The following ZNF385B variants were observed in gnomAD, a reference collection of about 807,000 sequenced individuals.
The protein encoded by ZNF385B is zinc finger protein 385B.
In ZNF385B, 23 loss-of-function variants were observed where a neutral mutation model predicts 39.2. The observed-to-expected ratio is 0.59, with a 90% confidence interval of 0.42 to 0.83. ZNF385B has a LOEUF of 0.83. Among genes scored for constraint, ZNF385B ranks in the 40% least tolerant of loss-of-function variants. ZNF385B has a pLI of 0.00. For synonymous variants in ZNF385B, 205 were observed against 222.6 expected (o/e 0.92, Z 0.70); for missense variants, 552 against 598.9 (o/e 0.92, Z 0.82).
intron 3 of ZNF385B, among the ~76,000 whole-genome samples, chr2:179,617,054 T>G (rs1689810505): frequency 6.6e-6 from 1 of 152,184 alleles, no homozygotes; most frequent in African/African-American, 2.4e-5. Context: ...TTTGCCATTT[T>G]TATTTGATCC....
chr2:179,655,415 C>T (rs1431917667), intron 3 of ZNF385B, among the ~76,000 whole-genome samples: 1 of 151,612 alleles, frequency 6.6e-6, no homozygotes, highest in Admixed American at 6.6e-5. Context: ...ACAATGCATA[C>T]AACTGAAGCA....
intron 3 of ZNF385B, among the ~76,000 whole-genome samples, chr2:179,676,430 T>A (rs1420491759): frequency 6.6e-6 from 1 of 152,136 alleles, no homozygotes; most frequent in Non-Finnish European, 1.5e-5. Flanking sequence ...TTCACCGTGT[T>A]AGCCAGGATG....
chr2:179,528,834 T>C (rs1485567378), intron 4 of ZNF385B, among the ~76,000 whole-genome samples: 1 of 152,230 alleles, frequency 6.6e-6, no homozygotes, highest in Non-Finnish European at 1.5e-5. Context: ...TGTTAAAATG[T>C]TCCATTTTCC....
intron 3 of ZNF385B, among the ~76,000 whole-genome samples, chr2:179,614,227 G>A (rs1689541528): frequency 6.6e-6 from 1 of 152,130 alleles, no homozygotes; most frequent in Non-Finnish European, 1.5e-5. Flanking sequence ...TTTTTTGTGT[G>A]AATAGTTGTT....
chr2:179,736,568 G>A (rs1263816318), intron 3 of ZNF385B, among the ~76,000 whole-genome samples: 1 of 152,196 alleles, frequency 6.6e-6, no homozygotes, highest in African/African-American at 2.4e-5. Flanking sequence ...ATGATAAAAT[G>A]TGATAATAAC....
intron 1 of ZNF385B, among the ~76,000 whole-genome samples, chr2:179,794,604 C>A (rs1039550960): frequency 1.3e-5 from 2 of 152,046 alleles, no homozygotes; most frequent in African/African-American, 2.4e-5. Context: ...TTGATTCTTA[C>A]GATTTCTCTA....
At chr2:179,504,988 C>G (rs1367467960) in intron 5 of ZNF385B, among the ~76,000 whole-genome samples, 16 of 152,010 alleles carry the variant, frequency 1.1e-4, no homozygotes, top group Admixed American at 1.0e-3. Context: ...GGTGGGGACA[C>G]AGATCCAAAC....
intron 1 of ZNF385B, among the ~76,000 whole-genome samples, chr2:179,803,998 C>G (rs374405803): frequency 1.2e-4 from 18 of 152,132 alleles, no homozygotes; most frequent in Admixed American, 2.0e-4. Flanking sequence ...GGTTCAAGAT[C>G]GGAAGGTCAT....
intron 1 of ZNF385B, among the ~76,000 whole-genome samples, chr2:179,785,091 G>A (rs1033828000): frequency 2.0e-5 from 3 of 152,000 alleles, no homozygotes. Context: ...TAAATATTGA[G>A]CAAAATAAGC....
chr2:179,785,368 T>C (rs1217465595), intron 1 of ZNF385B, among the ~76,000 whole-genome samples: 1 of 152,140 alleles, frequency 6.6e-6, no homozygotes, highest in Admixed American at 6.6e-5. Flanking sequence ...ATAAAATTTT[T>C]AAAATCTATA....
intron 3 of ZNF385B, among the ~76,000 whole-genome samples, chr2:179,725,751 A>T (rs1700965844): frequency 1.3e-5 from 2 of 151,334 alleles, no homozygotes; most frequent in Non-Finnish European, 3.0e-5. Flanking sequence ...TTTGATAGCA[A>T]TGACTATGTT....
intron 3 of ZNF385B, among the ~76,000 whole-genome samples, chr2:179,708,961 A>G (rs1699810153): frequency 6.6e-6 from 1 of 152,214 alleles, no homozygotes; most frequent in Non-Finnish European, 1.5e-5. Context: ...TCTGCAATGT[A>G]TGCAGCTGTT....
chr2:179,771,067 G>A (rs532829571), intron 1 of ZNF385B, among the ~76,000 whole-genome samples: 129 of 152,260 alleles, frequency 8.5e-4, no homozygotes, highest in African/African-American at 3.0e-3. Context: ...GGGTATGTGT[G>A]GGAAAGAATG....
At chr2:179,809,124 GA>G (rs1043922539) in intron 1 of ZNF385B, among the ~76,000 whole-genome samples, 5 of 151,886 alleles carry the variant, frequency 3.3e-5, no homozygotes, top group African/African-American at 7.2e-5. Context: ...CAAGGGCAAA[GA>G]AAAAAAATCA....
chr2:179,483,154 A>T, intron 6 of ZNF385B, 118 bp downstream of exon 6: 2 of 1,122,300 alleles, frequency 1.8e-6, no homozygotes, highest in Non-Finnish European at 2.6e-6. Context: ...AAAACATATT[A>T]ATATCACAAA....
chr2:179,568,540 T>C (rs1684855340), intron 3 of ZNF385B, among the ~76,000 whole-genome samples: 1 of 152,206 alleles, frequency 6.6e-6, no homozygotes, highest in African/African-American at 2.4e-5. Flanking sequence ...ACTTCTCACA[T>C]AGTATTAGTG....
intron 3 of ZNF385B, among the ~76,000 whole-genome samples, chr2:179,612,370 G>A (rs910749063): frequency 5.9e-5 from 9 of 152,016 alleles, no homozygotes; most frequent in Non-Finnish European, 1.0e-4. Context: ...TCTTGGAGAG[G>A]CTTTCCAAGT....
chr2:179,619,793 A>G (rs1690057696), intron 3 of ZNF385B, among the ~76,000 whole-genome samples: 1 of 152,242 alleles, frequency 6.6e-6, no homozygotes, highest in African/African-American at 2.4e-5. Context: ...ACTAGGTAGT[A>G]TGTGTATAAA....
intron 3 of ZNF385B, among the ~76,000 whole-genome samples, chr2:179,663,713 CAAAAAAAAAAAA>C (rs71401756): frequency 1.5e-5 from 1 of 67,732 alleles, no homozygotes; most frequent in Non-Finnish European, 2.6e-5. Context: ...GACTCCGTCT[CAAAAAAAAAAAA>C]AAAAAAAAAA....
Sources: allele counts gnomAD v4.1 joint callset (sites outside exome capture counted in the v4.1 genomes callset), GRCh38; gene constraint gnomAD v4.1.1; transcripts MANE v1.5; gene names NCBI Gene and HGNC (gene_info 2026-07-23, HGNC 2026-07-21).